ANK3: variants seen among roughly 807,000 people sequenced by gnomAD.
ANK3 encodes ankyrin 3.
In ANK3, 57 loss-of-function variants were observed where a neutral mutation model predicts 370.9. The observed-to-expected ratio is 0.15, with a 90% CI of 0.12 to 0.19. ANK3 has a LOEUF of 0.19. ANK3 is among the 10% of genes least tolerant of loss of function. The pLI is 1.00. For missense variants in ANK3, 4,439 were observed against 5,302.1 expected, an observed-to-expected ratio of 0.84 and a Z score of 5.06; for synonymous variants, 1,929 against 1,946.3, an observed-to-expected ratio of 0.99 and a Z score of 0.23.
chr10:60,470,786 A>G (rs999336176), intron 2 of ANK3, among the ~76,000 whole-genome samples: 2 of 152,166 alleles, frequency 1.3e-5, no homozygotes, highest in Non-Finnish European at 2.9e-5. Flanking sequence ...CTAATAAAGA[A>G]GCCAAAGAAT....
intron 36 of ANK3, among the ~76,000 whole-genome samples, chr10:60,077,734 C>T (rs2084159929): frequency 6.6e-6 from 1 of 152,102 alleles, no homozygotes; most frequent in Non-Finnish European, 1.5e-5. Flanking sequence ...TTTAACACCC[C>T]ATATTTAAGT....
chr10:60,623,002 TAA>T (rs924268028), intron 1 of ANK3, among the ~76,000 whole-genome samples: 1 of 152,198 alleles, frequency 6.6e-6, no homozygotes, highest in African/African-American at 2.4e-5. Context: ...ATACAGAACT[TAA>T]GAGGGCTTAT....
chr10:60,566,641 G>A (rs1390201242), intron 2 of ANK3, among the ~76,000 whole-genome samples: 1 of 152,180 alleles, frequency 6.6e-6, no homozygotes, highest in Non-Finnish European at 1.5e-5. Flanking sequence ...GGAAGGCCAA[G>A]ATTGGAGGAT....
intron 1 of ANK3, among the ~76,000 whole-genome samples, chr10:60,673,248 A>G (rs1013729179): frequency 6.6e-6 from 1 of 152,040 alleles, no homozygotes; most frequent in African/African-American, 2.4e-5. Context: ...AGAGATTAGA[A>G]GGTCCCATTC....
At chr10:60,051,495 G>GA in intron 42 of ANK3, 1 of 985,290 alleles carries the variant, frequency 1.0e-6, no homozygotes, top group Non-Finnish European at 1.2e-6. Flanking sequence ...AAACGCCGGC[G>GA]AATAACTCGG....
intron 8 of ANK3, among the ~76,000 whole-genome samples, chr10:60,231,451 C>T (rs1199846225): frequency 6.6e-6 from 1 of 152,176 alleles, no homozygotes; most frequent in Non-Finnish European, 1.5e-5. Context: ...TTATTGAATG[C>T]AAGCAAGGTT....
chr10:60,328,424 A>T (rs1352086034), intron 1 of ANK3, among the ~76,000 whole-genome samples: 1 of 152,216 alleles, frequency 6.6e-6, no homozygotes. Context: ...ATTGTAAGCA[A>T]TGCTCAATAA....
rs5785463 is a variant in ANK3 at position 60,715,215 on chromosome 10, A to ATGTGTGTGTGTGTG, written c.57+18034_57+18047dup. 8.1e-3 allele frequency among the ~76,000 whole-genome samples: 1,195 copies of ATGTGTGTGTGTGTG among 147,280 alleles called. 12 individuals carry two copies. The highest frequency in any genetic ancestry group is 0.02 in the African/African-American group (786 of 39,806). On this transcript the variant is annotated intron_variant, in intron 1 of 43. Coordinates refer to the ANK3 transcript ENST00000373827. ...CTATTATATATATTTACATATACAAATGTGTGTGTGTGTGTGTGTGTGTGT... is the reference window on the plus strand; with the variant it reads ...CTATTATATATATTTACATATACAAATGTGTGTGTGTGTGTGTGTGTGTGTGTGTGTGTGTGTGT...
At chr10:60,504,687 G>A (rs1478853104) in intron 2 of ANK3, among the ~76,000 whole-genome samples, 5 of 152,112 alleles carry the variant, frequency 3.3e-5, no homozygotes, top group African/African-American at 1.2e-4. Context: ...AAGTATGGGG[G>A]ATGGAGGAAC....
At position 60,196,220 on chromosome 10, in the gene ANK3, T is replaced by C; in HGVS notation, c.1812A>G (p.Val604=). The C allele has an allele frequency of 6.2e-7, 1 of 1,614,008 alleles. No homozygotes were observed. Among genetic ancestry groups the C allele is most frequent in the Non-Finnish European group, 8.5e-7 (1 of 1,179,944 alleles). ...CTTTCTGATTATCGTAATGTGCAGC[T>C]ACATGCAGTGGTGTTAGCCCGCTCT... ...AGKSGLTPLH[V]AAHYDNQKVA... is the part of the protein sequence containing the mutation. Residue 604 remains valine, a synonymous_variant, in exon 16 of 44, where the codon GTA becomes GTG. Coordinates refer to ENST00000280772, the MANE Select transcript of ANK3 (RefSeq NM_020987.5).
chr10:60,449,071 T>TG (rs1355063369), intron 2 of ANK3, among the ~76,000 whole-genome samples: 1 of 152,188 alleles, frequency 6.6e-6, no homozygotes, highest in Non-Finnish European at 1.5e-5. Context: ...TGAATGAACA[T>TG]GCCTTGGCCC....
chr10:60,301,691 A>G (rs1244401011), intron 1 of ANK3, among the ~76,000 whole-genome samples: 1 of 152,176 alleles, frequency 6.6e-6, no homozygotes, highest in Non-Finnish European at 1.5e-5. Flanking sequence ...TGCTGGGATT[A>G]CAGGCATGAG....
rs115744713 is a variant in ANK3 at position 60,381,420 on chromosome 10, G to A, written c.114+8005C>T. 8.4e-3 allele frequency among the ~76,000 whole-genome samples: 1,276 copies of A among 152,208 alleles called. 17 individuals carry two copies. The highest frequency in any genetic ancestry group is 0.027 in the African/African-American group (1,117 of 41,526). The stretch of plus-strand genomic sequence containing the variant: ...GTATTTAACATATGAGTCTTCAGGA[G>A]TATTTCTCAAAATGACAGATTTAAT... On this transcript the variant is annotated intron_variant, in intron 1 of 43. Transcript: ENST00000280772.
intron 2 of ANK3, among the ~76,000 whole-genome samples, chr10:60,470,389 A>G (rs1446339156): frequency 6.6e-6 from 1 of 152,136 alleles, no homozygotes; most frequent in Non-Finnish European, 1.5e-5. Context: ...TTGCAAGTCA[A>G]CATTTTCTGC....
intron 4 of ANK3, among the ~76,000 whole-genome samples, chr10:60,273,175 A>C (rs1045599282): frequency 2.0e-5 from 3 of 152,228 alleles, no homozygotes; most frequent in African/African-American, 7.2e-5. Flanking sequence ...ATTTGTAGAC[A>C]ACAGCCACAG....
Position 60,278,865 on chromosome 10 carries a change from T to C in ANK3, c.323A>G (p.Asn108Ser). The C allele has an allele frequency of 6.2e-7, 1 of 1,613,938 alleles. No individual in the cohort carries two copies. The highest frequency in any genetic ancestry group is 8.5e-7 in the Non-Finnish European group (1 of 1,179,896). ...CAAAGATGCGATGTGCAATGCTGTGTTTCCTTTCTGTGAAATGAAAGTCAA... is the reference window on the plus strand; with the variant it reads ...CAAAGATGCGATGTGCAATGCTGTGCTTCCTTTCTGTGAAATGAAAGTCAA... ...ANVDAATKKGNTALHIASLAG... is the reference protein window; with the variant it reads ...ANVDAATKKGSTALHIASLAG... Residue 108 changes from asparagine (N) to serine (S), a missense_variant, in exon 4 of 44, where the codon AAC (asparagine) becomes AGC (serine). Transcript: ENST00000280772.
intron 2 of ANK3, among the ~76,000 whole-genome samples, chr10:60,524,173 G>T (rs117091518): frequency 2.8e-4 from 42 of 152,176 alleles, no homozygotes; most frequent in Non-Finnish European, 5.3e-4. Context: ...CTGATAATAA[G>T]AATCTCCTGG....
chr10:60,094,534 C>T (rs3793856), intron 28 of ANK3, among the ~76,000 whole-genome samples: 33,584 of 151,888 alleles, frequency 0.22, 4,625 homozygotes, highest in East Asian at 0.64. Flanking sequence ...TGTTTGTGTG[C>T]TTAAGATATT....
At position 60,472,618 on chromosome 10, in the gene ANK3, G is replaced by C. The variant is rs542798683; in HGVS notation, c.96+142568C>G. Among the ~76,000 whole-genome samples, 476 of 152,252 alleles carry C rather than the reference G, an allele frequency of 3.1e-3. 2 individuals are homozygous for C. The highest frequency in any genetic ancestry group is 5.4e-3 in the Non-Finnish European group (366 of 68,022). ...GTTGCAGCATTTTATAAACTTATCA[G>C]AACAATGAATTCTTTTCCTCTTAAA... On this transcript the variant is annotated intron_variant, in intron 2 of 43. Transcript: ENST00000373827.
Sources: allele counts gnomAD v4.1 joint callset (sites outside exome capture counted in the v4.1 genomes callset), GRCh38; gene constraint gnomAD v4.1.1; transcripts MANE v1.5; gene names NCBI Gene and HGNC (gene_info 2026-07-23, HGNC 2026-07-21).